The following ADORA2A variants were observed in gnomAD, a reference collection of about 807,000 sequenced individuals.
ADORA2A encodes adenosine receptor A2a.
A neutral mutation model predicts 18.4 loss-of-function variants in ADORA2A; 11 were observed. The observed-to-expected ratio is 0.60, with a 90% CI of 0.38 to 0.99. The LOEUF (loss-of-function observed/expected upper bound fraction) is 0.99, where lower values mean the gene tolerates loss of function less well. Among genes scored for constraint, ADORA2A ranks in the 50% least tolerant of loss-of-function variants. The pLI, the probability that ADORA2A is intolerant of heterozygous loss-of-function variation, is 0.01. For missense variants in ADORA2A, 449 were observed against 556.1 expected (o/e 0.81, Z 1.94); for synonymous variants, 218 against 237.3 (o/e 0.92, Z 0.75).
chr22:24,431,941 G>A (rs1419638285), intron 1 of ADORA2A, among the ~76,000 whole-genome samples: 1 of 152,242 alleles, frequency 6.6e-6, no homozygotes, highest in Non-Finnish European at 1.5e-5. Flanking sequence ...ATGGCCCCTA[G>A]AGGTCATTTG....
At position 24,433,747 on chromosome 22, in the gene ADORA2A, C is replaced by A; in HGVS notation, c.332+11C>A. The A allele has an allele frequency of 6.3e-7, 1 of 1,599,636 alleles. No homozygotes were observed. Among genetic ancestry groups the A allele is most frequent in the Non-Finnish European group, 8.5e-7 (1 of 1,178,116 alleles). ...CCGCATCCCGCTCCGGTGAGCAGGG[C>A]CGGGGTTACATCTGTGCAAAGGCTG... On this transcript the variant is annotated intron_variant, in intron 2 of 2. Transcript: ENST00000337539.
At position 24,440,681 on chromosome 22, in the gene ADORA2A, A is replaced by G; in HGVS notation, c.431A>G (p.Asn144Ser). Residue 144 changes from asparagine (N) to serine (S), a missense_variant, in exon 3 of 3, where the codon AAC (asparagine) becomes AGC (serine). Coordinates refer to ENST00000337539, the MANE Select transcript of ADORA2A (RefSeq NM_000675.6). ...AIGLTPMLGW[N>S]NCGQPKEGKN... ...GGCCTGACTCCCATGCTAGGTTGGA[A>G]CAACTGCGGTCAGCCAAAGGAGGGC... The G allele has an allele frequency of 1.2e-6, 2 of 1,613,484 alleles. No homozygotes were observed. Among genetic ancestry groups the G allele is most frequent in the Non-Finnish European group, 1.7e-6 (2 of 1,179,450 alleles).
intron 1 of ADORA2A, chr22:24,429,782 A>C (rs2146871570): frequency 6.6e-6 from 1 of 152,404 alleles, no homozygotes; most frequent in Non-Finnish European, 1.5e-5. Context: ...CCAAGCTCCT[A>C]AGCAGGCTGC....
intron 1 of ADORA2A, chr22:24,429,547 G>C (rs1007081778): frequency 6.6e-6 from 1 of 152,262 alleles, no homozygotes; most frequent in African/African-American, 2.4e-5. Flanking sequence ...CCTCCCCGGG[G>C]CCTCTGACCT....
At chr22:24,438,639 G>T (rs909408427) in intron 2 of ADORA2A, 1 of 152,144 alleles carries the variant, frequency 6.6e-6, no homozygotes, top group Non-Finnish European at 1.5e-5. Flanking sequence ...GTTACTGTTT[G>T]GATTCAGAAC....
rs4990 is a variant in ADORA2A, at chr22:24,441,149, G to A, written c.899G>A (p.Arg300His). 36 of 1,614,152 alleles carry A rather than the reference G, an allele frequency of 2.2e-5. No individual in the cohort carries two copies. The highest frequency in any genetic ancestry group is 1.6e-4 in the Middle Eastern group (1 of 6,062). The change falls in exon 3 of 3, where the codon CGC becomes CAC. Residue 300 changes from arginine to histidine, a missense_variant. Coordinates refer to ENST00000337539, the MANE Select transcript of ADORA2A (RefSeq NM_000675.6). The stretch of plus-strand genomic sequence containing the variant: ...ATCCGCGAGTTCCGCCAGACCTTCC[G>A]CAAGATCATTCGCAGCCACGTCCTG... Reference protein sequence around the residue: ...YRIREFRQTFRKIIRSHVLRQ... With the variant: ...YRIREFRQTFHKIIRSHVLRQ...
At chr22:24,429,046 A>G (rs1449163220) in intron 1 of ADORA2A, among the ~76,000 whole-genome samples, 4 of 152,244 alleles carry the variant, frequency 2.6e-5, no homozygotes, top group Admixed American at 1.3e-4. Flanking sequence ...TGTGTCCTGT[A>G]TGTTGCTCTT....
At chr22:24,426,656 A>T (rs1187412085), upstream of ADORA2A, among the ~76,000 whole-genome samples, 2 of 152,182 alleles carry the variant, frequency 1.3e-5, no homozygotes, top group African/African-American at 4.8e-5. Flanking sequence ...AGGCAGTTTC[A>T]TGGCGGAGGA....
At position 24,440,713 on chromosome 22, in the gene ADORA2A, C is replaced by G; in HGVS notation, c.463C>G (p.His155Asp). ...NCGQPKEGKN[H>D]SQGCGEGQVA... is the part of the protein sequence containing the mutation. ...CGGTCAGCCAAAGGAGGGCAAGAAC[C>G]ACTCCCAGGGCTGCGGGGAGGGCCA... The change falls in exon 3 of 3, where the codon CAC (histidine) becomes GAC (aspartate). Residue 155 changes from histidine (H) to aspartate (D), a missense_variant. His to Asp is a moderately conservative substitution (Grantham distance 81). Transcript: ENST00000337539. 6.2e-7 allele frequency: 1 copy of G among 1,614,132 alleles called. No individual in the cohort carries two copies. The highest frequency in any genetic ancestry group is 8.5e-7 in the Non-Finnish European group (1 of 1,179,962).
chr22:24,429,506 G>T (rs947949598), intron 1 of ADORA2A: 1 of 152,258 alleles, frequency 6.6e-6, no homozygotes, highest in African/African-American at 2.4e-5. Context: ...AACAGAGAGG[G>T]ATAGGAAATT....
At chr22:24,426,254 C>T (rs954272655), upstream of ADORA2A, among the ~76,000 whole-genome samples, 1 of 152,248 alleles carries the variant, frequency 6.6e-6, no homozygotes, top group African/African-American at 2.4e-5. Context: ...CTAGAACTGC[C>T]TTCCCAACCG....
upstream of ADORA2A, among the ~76,000 whole-genome samples, chr22:24,425,415 A>T (rs1402151783): frequency 2.1e-5 from 3 of 142,000 alleles, no homozygotes; most frequent in Non-Finnish European, 4.5e-5. Context: ...CCACGGTGTC[A>T]GTCCCTCCTT....
At position 24,442,221 on chromosome 22, in the gene ADORA2A, G is replaced by A. The variant is rs978981539; in HGVS notation, c.*732G>A. On this transcript the variant is annotated 3_prime_UTR_variant, in exon 3 of 3. Coordinates refer to ENST00000337539, the MANE Select transcript of ADORA2A (RefSeq NM_000675.6). ...CCCAGGGGAGAGGTTGGGGCTGGCAGGCCACTGGCATGTGCTGAGTAGCGC... is the reference window on the plus strand; with the variant it reads ...CCCAGGGGAGAGGTTGGGGCTGGCAAGCCACTGGCATGTGCTGAGTAGCGC... The A allele has an allele frequency of 3.3e-5, 5 of 152,908 alleles. No homozygotes were observed. The highest frequency in any genetic ancestry group is 1.2e-4 in the African/African-American group (5 of 41,460). The allele number at this position is 152,908 out of a possible 1,614,324, so 9.5% of individuals were successfully genotyped here. A position where few individuals can be genotyped will look rare whatever the true frequency, so the allele number is the denominator to read the frequency against.
upstream of ADORA2A, among the ~76,000 whole-genome samples, chr22:24,425,920 G>C (rs1247988322): frequency 6.6e-6 from 1 of 152,234 alleles, no homozygotes. Context: ...TTGGGAGCAA[G>C]TGGGGGAAGG....
chr22:24,438,855 T>G (rs2146916545), intron 2 of ADORA2A: 1 of 152,114 alleles, frequency 6.6e-6, no homozygotes, highest in South Asian at 2.1e-4. Context: ...ACTTAAATCT[T>G]GGGAGATTTT....
At chr22:24,428,019 T>A (rs1009531992) in intron 1 of ADORA2A, among the ~76,000 whole-genome samples, 1 of 152,084 alleles carries the variant, frequency 6.6e-6, no homozygotes, top group Non-Finnish European at 1.5e-5. Context: ...TATCTCTGGG[T>A]CCCGGGCCCA....
upstream of ADORA2A, among the ~76,000 whole-genome samples, chr22:24,426,015 G>A (rs2042915599): frequency 6.6e-6 from 1 of 152,208 alleles, no homozygotes; most frequent in Non-Finnish European, 1.5e-5. Context: ...AGGGTCAGGG[G>A]ACACCACAGG....
intron 2 of ADORA2A, among the ~76,000 whole-genome samples, chr22:24,440,293 A>T (rs2043304900): frequency 6.6e-6 from 1 of 152,228 alleles, no homozygotes; most frequent in African/African-American, 2.4e-5. Context: ...CAACCAAACT[A>T]AGTCCCAGGA....
rs199811385 is a variant in ADORA2A at position 24,433,285 on chromosome 22, A to G, written c.-120A>G. 1.2e-4 allele frequency: 111 copies of G among 955,406 alleles called. 1 individual carries two copies. The highest frequency in any genetic ancestry group is 1.0e-4 in the Admixed American group (4 of 39,030). The allele number at this position is 955,406 out of a possible 1,614,324, so 59.2% of individuals were successfully genotyped here. A position where few individuals can be genotyped will look rare whatever the true frequency, so the allele number is the denominator to read the frequency against. ...CTTGGCTCCTGTGAGGAAGGGGCTC[A>G]GGGGTCTGGGCCCCTCCGCCTGGGC... On this transcript the variant is annotated 5_prime_UTR_variant, in exon 2 of 3. Transcript: ENST00000337539.
Sources: gnomAD v4.1 joint callset for allele counts (sites outside exome capture counted in the v4.1 genomes callset) on GRCh38, gnomAD v4.1.1 for gene constraint, MANE v1.5 for transcripts, NCBI Gene and HGNC (gene_info 2026-07-23, HGNC 2026-07-21) for gene names.